Variants in LMO7 observed in about 807,000 individuals in gnomAD.
The protein encoded by LMO7 is LIM domain 7, also known as LIM domain only protein 7.
Under a neutral mutation model 206.5 loss-of-function variants are expected in LMO7, and 120 were observed. That is an observed-to-expected ratio of 0.58 (90% CI 0.50 to 0.68). The LOEUF (loss-of-function observed/expected upper bound fraction) is 0.68. Among genes scored for constraint, LMO7 ranks in the 30% least tolerant of loss-of-function variants. The probability of loss-of-function intolerance (pLI) is 0.00; values close to 1 mark genes in which losing one functional copy is unlikely to be tolerated. For synonymous variants in LMO7, 706 were observed against 681.5 expected (o/e 1.04, Z -0.56); for missense variants, 1,959 against 1,957.9 (o/e 1.00, Z -0.01).
At chr13:75,742,302 A>G (rs1856429284) in intron 3 of LMO7, among the ~76,000 whole-genome samples, 2 of 152,218 alleles carry the variant, frequency 1.3e-5, no homozygotes, top group South Asian at 2.1e-4. Context: ...TAATATAGCC[A>G]TACTGCCCAA....
At chr13:75,731,201 G>A (rs1244943868) in intron 3 of LMO7, among the ~76,000 whole-genome samples, 10 of 152,136 alleles carry the variant, frequency 6.6e-5, no homozygotes, top group Non-Finnish European at 5.9e-5. Context: ...TTTCTGTCTC[G>A]TTGATCTGCC....
intron 1 of LMO7, among the ~76,000 whole-genome samples, chr13:75,701,286 C>G (rs1303109468): frequency 6.6e-6 from 1 of 152,168 alleles, no homozygotes; most frequent in Non-Finnish European, 1.5e-5. Context: ...AGCCGCATTA[C>G]TTAATAATAC....
intron 1 of LMO7, among the ~76,000 whole-genome samples, chr13:75,687,303 G>A (rs1375992858): frequency 6.6e-6 from 1 of 152,140 alleles, no homozygotes; most frequent in Non-Finnish European, 1.5e-5. Context: ...TGGAATACAG[G>A]ATGGGTAAGT....
intron 1 of LMO7, among the ~76,000 whole-genome samples, chr13:75,679,727 A>C (rs1485460169): frequency 6.6e-6 from 1 of 152,134 alleles, no homozygotes; most frequent in Non-Finnish European, 1.5e-5. Flanking sequence ...GACTGTAGGC[A>C]TGTGCCACCA....
chr13:75,722,231 C>T (rs1365775793), intron 2 of LMO7, among the ~76,000 whole-genome samples: 1 of 152,138 alleles, frequency 6.6e-6, no homozygotes, highest in Non-Finnish European at 1.5e-5. Context: ...AACTTCTGCA[C>T]AGCAAAAGAA....
chr13:75,736,560 G>A (rs1168728779), intron 3 of LMO7, among the ~76,000 whole-genome samples: 3 of 152,204 alleles, frequency 2.0e-5, no homozygotes, highest in Admixed American at 6.5e-5. Context: ...GTTTACAGCT[G>A]CGTATCAGAG....
upstream of LMO7, chr13:75,636,263 C>A (rs980623983): frequency 1.1e-5 from 5 of 453,098 alleles, no homozygotes; most frequent in South Asian, 1.2e-4. Context: ...CCCGGGAGGG[C>A]GGTGGGGTGG....
chr13:75,635,744 C>A (rs1003395783), upstream of LMO7: 1 of 152,050 alleles, frequency 6.6e-6, no homozygotes, highest in Non-Finnish European at 1.5e-5. Context: ...AGCGGCAGCA[C>A]GTGCCAAGGC....
chr13:75,692,355 C>T lies in LMO7; in HGVS notation c.70-20827C>T, dbSNP rs570694407. Among the ~76,000 whole-genome samples the T allele has an allele frequency of 6.8e-4, 103 of 151,928 alleles. 1 individual carries two copies. Among genetic ancestry groups the T allele is most frequent in the Non-Finnish European group, 1.1e-3 (74 of 67,956 alleles). On this transcript the variant is annotated intron_variant, in intron 1 of 30. Coordinates refer to ENST00000377534, the MANE Select transcript of LMO7 (RefSeq NM_001306080.2). Reference sequence around the variant, plus strand: ...TTATTTAAGAGATTTTTACACATAACCCATAGGAGTGCTACGATTCCTTAA... The same window carrying T: ...TTATTTAAGAGATTTTTACACATAATCCATAGGAGTGCTACGATTCCTTAA...
At chr13:75,641,224 G>A (rs934836379) in intron 1 of LMO7, among the ~76,000 whole-genome samples, 4 of 152,202 alleles carry the variant, frequency 2.6e-5, no homozygotes, top group African/African-American at 9.7e-5. Flanking sequence ...AGAGAAGGCA[G>A]CATTTGAGCC....
chr13:75,841,087 T>A (rs750222231), intron 22 of LMO7, 22 bp from the exon 23 acceptor site: 1 of 1,449,560 alleles, frequency 6.9e-7, no homozygotes, highest in Admixed American at 1.7e-5. Flanking sequence ...ATTGGATTAA[T>A]ATATGTCATA....
intron 1 of LMO7, 66 bp from the exon 2 acceptor site, chr13:75,713,116 A>C (rs1330247939): frequency 1.8e-6 from 2 of 1,087,038 alleles, no homozygotes; most frequent in Non-Finnish European, 2.8e-6. Flanking sequence ...AATTAATCTA[A>C]TACTGAATTG....
intron 11 of LMO7, 125 bp downstream of exon 11, chr13:75,809,308 G>A (rs1296459535): frequency 1.3e-6 from 1 of 749,458 alleles, no homozygotes; most frequent in East Asian, 2.8e-5. Flanking sequence ...TATTTTTTAA[G>A]TGGGAAATGT....
intron 4 of LMO7, among the ~76,000 whole-genome samples, chr13:75,778,483 C>T (rs553288370): frequency 9.2e-5 from 14 of 152,326 alleles, no homozygotes; most frequent in Middle Eastern, 3.4e-3. Flanking sequence ...CCACCCGCCT[C>T]GGCCTCCCAA....
chr13:75,674,958 G>A (rs2039884115), intron 1 of LMO7, among the ~76,000 whole-genome samples: 1 of 152,180 alleles, frequency 6.6e-6, no homozygotes, highest in Non-Finnish European at 1.5e-5. Context: ...CCAGCAAATA[G>A]CTTGTAGTGA....
At chr13:75,696,034 C>A (rs1014393665) in intron 1 of LMO7, among the ~76,000 whole-genome samples, 10 of 152,146 alleles carry the variant, frequency 6.6e-5, no homozygotes, top group African/African-American at 2.4e-4. Context: ...AAACTGATTT[C>A]ATGCCTGATT....
At chr13:75,839,684 A>G (rs1396988757) in intron 20 of LMO7, 1 of 157,330 alleles carries the variant, frequency 6.4e-6, no homozygotes, top group African/African-American at 2.4e-5. Context: ...AGTAGTGGCA[A>G]GTAAAAAATT....
intron 25 of LMO7, among the ~76,000 whole-genome samples, chr13:75,845,109 A>G (rs1322983101): frequency 2.6e-5 from 4 of 152,124 alleles, no homozygotes; most frequent in Admixed American, 2.0e-4. Flanking sequence ...GTTTGTATCT[A>G]TTTCCAGCAT....
Position 75,680,372 on chromosome 13 carries a change from TC to T in LMO7, c.70-32808del, listed in dbSNP as rs1236494351. Among the ~76,000 whole-genome samples, 14 of 152,350 alleles carry T rather than the reference TC, an allele frequency of 9.2e-5. No homozygotes were observed. In the East Asian group the frequency reaches 1.9e-3, roughly 21 times the overall value. ...TGCAGTGAACATATGTGTGCATGTA[TC>T]CTTATAATAGAATGATTTATCCTCC... On this transcript the variant is annotated intron_variant, in intron 1 of 30. Transcript: ENST00000377534.
Sources: gnomAD v4.1 joint callset for allele counts (sites outside exome capture counted in the v4.1 genomes callset) on GRCh38, gnomAD v4.1.1 for gene constraint, MANE v1.5 for transcripts, NCBI Gene and HGNC (gene_info 2026-07-23, HGNC 2026-07-21) for gene names.